DMBX1: variants seen among roughly 807,000 people sequenced by gnomAD.
DMBX1 encodes the protein diencephalon/mesencephalon homeobox 1, also known as diencephalon/mesencephalon homeobox protein 1.
In DMBX1, 7 loss-of-function variants were observed where a neutral mutation model predicts 30.4. The ratio of observed to expected loss-of-function variants is 0.23; its 90% confidence interval spans 0.13 to 0.43. The LOEUF (loss-of-function observed/expected upper bound fraction) is 0.43, where lower values mean the gene tolerates loss of function less well. Ranked by LOEUF, DMBX1 falls within the 20% of genes least tolerant of loss-of-function variation. The pLI is 1.00. For missense variants in DMBX1, 460 were observed against 508.5 expected (o/e 0.90, Z 0.92); for synonymous variants, 222 against 214.2 (o/e 1.04, Z -0.32).
intron 2 of DMBX1, among the ~76,000 whole-genome samples, chr1:46,505,438 A>G (rs1666214393): frequency 3.6e-5 from 5 of 139,230 alleles, no homozygotes; most frequent in Admixed American, 7.3e-5. Context: ...TGATGAGTTC[A>G]TGTCCTTTGT....
chr1:46,492,168 C>T (rs572338840), intron 2 of DMBX1, among the ~76,000 whole-genome samples: 43 of 152,200 alleles, frequency 2.8e-4, no homozygotes, highest in Non-Finnish European at 5.1e-4. Flanking sequence ...AAGGCCATGG[C>T]GAAGGACAAG....
rs192124687 is a variant in DMBX1 at position 46,510,713 on chromosome 1, C to T, written c.333+59C>T. ...ACAAACACCAGCCCATCAGTCTGCC[C>T]GCTTGTCCAGGAGCCAGCATGTCAT... is the stretch of plus-strand genomic sequence containing the variant. On this transcript the variant is annotated intron_variant, in intron 4 of 5. Coordinates refer to ENST00000360032, the MANE Select transcript of DMBX1 (RefSeq NM_172225.2). The surrounding 1 kb of genome is among the most constrained non-coding windows in gnomAD (Gnocchi z 4.1). The T allele has an allele frequency of 6.2e-5, 97 of 1,561,470 alleles. No individual in the cohort carries two copies. The highest frequency in any genetic ancestry group is 6.0e-4 in the African/African-American group (44 of 73,836).
Position 46,507,019 on chromosome 1 carries a change from C to G in DMBX1, c.9C>G (p.His3Gln). The change falls in exon 3 of 6, where the codon CAC (histidine) becomes CAG (glutamine). Residue 3 changes from histidine (H) to glutamine (Q), a missense_variant. By Grantham distance (24) the His-to-Gln change is conservative. Transcript: ENST00000360032. MQ[H>Q]YGVNGYSLHA... ...TGTAGGCGGATGCCGCCATGCAGCA[C>G]TACGGGGTGAACGGCTACTCACTGC... 6.2e-7 allele frequency: 1 copy of G among 1,614,202 alleles called. No homozygotes were observed. Among genetic ancestry groups the G allele is most frequent in the South Asian group, 1.1e-5 (1 of 91,078 alleles).
rs568714199 is a variant in DMBX1 at position 46,496,881 on chromosome 1, T to C, written c.-13+6098T>C. Among the ~76,000 whole-genome samples, 7 of 152,346 alleles carry C rather than the reference T, an allele frequency of 4.6e-5. No individual in the cohort carries two copies. The South Asian group carries it at 1.2e-3, about 27-fold the overall frequency. On this transcript the variant is annotated intron_variant, in intron 2 of 5. Transcript: ENST00000360032. ...CCGGGTTCGTGTATTCATGATCTTCTACCTGCATGAGTAAAAGTCCTTTTG... is the reference window on the plus strand; with the variant it reads ...CCGGGTTCGTGTATTCATGATCTTCCACCTGCATGAGTAAAAGTCCTTTTG...
chr1:46,495,785 C>T (rs1266650733), intron 2 of DMBX1, among the ~76,000 whole-genome samples: 2 of 152,140 alleles, frequency 1.3e-5, no homozygotes, highest in East Asian at 1.9e-4. Context: ...CGTGTGCAAG[C>T]TTAATGCAAG....
intron 3 of DMBX1, among the ~76,000 whole-genome samples, chr1:46,509,106 C>T (rs1396477221): frequency 1.3e-5 from 2 of 151,642 alleles, no homozygotes; most frequent in South Asian, 4.2e-4. Flanking sequence ...GAGTTTTGCT[C>T]TTGTTGCCCA....
chr1:46,497,462 T>C (rs934485201), intron 2 of DMBX1, among the ~76,000 whole-genome samples: 2 of 152,192 alleles, frequency 1.3e-5, no homozygotes, highest in Non-Finnish European at 2.9e-5. Context: ...TAAGTAAAGT[T>C]TTTCTGCCTT....
At chr1:46,492,760 C>G (rs1665953293) in intron 2 of DMBX1, among the ~76,000 whole-genome samples, 2 of 152,138 alleles carry the variant, frequency 1.3e-5, no homozygotes, top group Admixed American at 6.5e-5. Flanking sequence ...CTCAGACACA[C>G]TTTGAGAAGT....
chr1:46,508,721 C>T (rs2148489498), intron 3 of DMBX1, among the ~76,000 whole-genome samples: 1 of 152,300 alleles, frequency 6.6e-6, no homozygotes, highest in Non-Finnish European at 1.5e-5. Context: ...ACATGAACTC[C>T]AAGTGAGCCT....
Position 46,493,945 on chromosome 1 carries a change from T to G in DMBX1, c.-13+3162T>G, listed in dbSNP as rs145532728. On this transcript the variant is annotated intron_variant, in intron 2 of 5. Coordinates refer to ENST00000360032, the MANE Select transcript of DMBX1 (RefSeq NM_172225.2). This position sits in a 1 kb window ranked among gnomAD's most constrained non-coding sequence, Gnocchi z 4.1. ...CGGCCTGGATCTGGATGGCCAAAAG[T>G]GGACCAGGTCATCCCTGACAGACTT... Among the ~76,000 whole-genome samples, 16 of 152,348 alleles carry G rather than the reference T, an allele frequency of 1.1e-4. No individual in the cohort carries two copies. The highest frequency in any genetic ancestry group is 2.2e-4 in the African/African-American group (9 of 41,580).
chr1:46,512,552 A>G lies in DMBX1; in HGVS notation c.*58A>G. 1 of 1,537,792 alleles carries G rather than the reference A, an allele frequency of 6.5e-7. No homozygotes were observed. Among genetic ancestry groups the G allele is most frequent in the Non-Finnish European group, 8.8e-7 (1 of 1,139,150 alleles). On this transcript the variant is annotated 3_prime_UTR_variant, in exon 6 of 6. Coordinates refer to ENST00000360032, the MANE Select transcript of DMBX1 (RefSeq NM_172225.2). The surrounding 1 kb of genome is among the most constrained non-coding windows in gnomAD (Gnocchi z 4.8). ...GGTGTCCCCTCCTAGCCCTGTGGTT[A>G]TCCCTAGGTGGCTCTCGAGGAGTTA...
At chr1:46,503,390 G>C (rs1666173799) in intron 2 of DMBX1, among the ~76,000 whole-genome samples, 1 of 152,160 alleles carries the variant, frequency 6.6e-6, no homozygotes, top group Non-Finnish European at 1.5e-5. Context: ...CCTCTATCCA[G>C]GAATGTAAAT....
intron 2 of DMBX1, among the ~76,000 whole-genome samples, chr1:46,501,213 C>CCTTCCTTCCTTCCTTTCTTT (rs1179560561): frequency 1.3e-3 from 100 of 74,540 alleles, no homozygotes; most frequent in East Asian, 4.1e-3. Flanking sequence ...TTCCTTCCTT[C>CCTTCCTTCCTTCCTTTCTTT]CTTTCTTTCT....
Position 46,493,205 on chromosome 1 carries a change from G to A in DMBX1, c.-13+2422G>A, listed in dbSNP as rs1474538499. Among the ~76,000 whole-genome samples the A allele has an allele frequency of 2.0e-5, 3 of 152,150 alleles. No homozygotes were observed. The highest frequency in any genetic ancestry group is 7.2e-5 in the African/African-American group (3 of 41,420). ...GCCCCGGGCGACGCCACTGCTGCCCGCCAAAGCCCATTACCGAACGAGTAG... is the reference window on the plus strand; with the variant it reads ...GCCCCGGGCGACGCCACTGCTGCCCACCAAAGCCCATTACCGAACGAGTAG... On this transcript the variant is annotated intron_variant, in intron 2 of 5. Coordinates refer to ENST00000360032, the MANE Select transcript of DMBX1 (RefSeq NM_172225.2). The surrounding 1 kb of genome is among the most constrained non-coding windows in gnomAD (Gnocchi z 4.1).
intron 2 of DMBX1, among the ~76,000 whole-genome samples, chr1:46,502,211 G>A (rs1415635088): frequency 1.3e-5 from 2 of 152,162 alleles, no homozygotes; most frequent in African/African-American, 4.8e-5. Context: ...TTGGAAGTTG[G>A]ATTCACGTGT....
chr1:46,492,054 G>T (rs778155385), intron 2 of DMBX1, among the ~76,000 whole-genome samples: 2 of 152,220 alleles, frequency 1.3e-5, no homozygotes, highest in Non-Finnish European at 2.9e-5. Context: ...AGTATTTGGG[G>T]GCGCCTACTC....
rs1666251140 is a variant in DMBX1, at chr1:46,507,082, C to T, written c.72C>T (p.His24=). The part of the protein sequence containing the change: ...MNSLSAMYNL[H]QQAAQQAQHA... Reference sequence around the variant, plus strand: ...CACTCAGCGCCATGTACAACCTGCACCAGCAGGCAGCCCAGCAGGCCCAGC... The same window carrying T: ...CACTCAGCGCCATGTACAACCTGCATCAGCAGGCAGCCCAGCAGGCCCAGC... The change falls in exon 3 of 6, where the codon CAC becomes CAT. Residue 24 remains histidine (H), a synonymous_variant. Transcript: ENST00000360032. 3 of 1,614,252 alleles carry T rather than the reference C, an allele frequency of 1.9e-6. No homozygotes were observed. The highest frequency in any genetic ancestry group is 2.2e-5 in the East Asian group (1 of 44,882).
rs183538325 is a variant in DMBX1 at position 46,516,093 on chromosome 1, G to C, written c.*3599G>C. On this transcript the variant is annotated 3_prime_UTR_variant, in exon 6 of 6. Coordinates refer to ENST00000360032, the MANE Select transcript of DMBX1 (RefSeq NM_172225.2). Reference sequence around the variant, plus strand: ...TTAATTCACCCCTGCCTGTCCCCTCGCCTGCCCCCTGTGTAGTGCTGCATG... The same window carrying C: ...TTAATTCACCCCTGCCTGTCCCCTCCCCTGCCCCCTGTGTAGTGCTGCATG... 1.3e-5 allele frequency among the ~76,000 whole-genome samples: 2 copies of C among 152,312 alleles called. No individual in the cohort carries two copies. Among genetic ancestry groups the C allele is most frequent in the East Asian group, 3.9e-4 (2 of 5,182 alleles).
chr1:46,507,657 G>A (rs1666267327), intron 3 of DMBX1, among the ~76,000 whole-genome samples: 1 of 152,178 alleles, frequency 6.6e-6, no homozygotes, highest in South Asian at 2.1e-4. Flanking sequence ...CATGTGGAGA[G>A]GTTATTATTT....
Sources: allele counts gnomAD v4.1 joint callset (sites outside exome capture counted in the v4.1 genomes callset), GRCh38; gene constraint gnomAD v4.1.1; non-coding constraint Gnocchi (gnomAD v3.1); transcripts MANE v1.5; gene names NCBI Gene and HGNC (gene_info 2026-07-23, HGNC 2026-07-21).